The following RORA variants were observed in gnomAD, a reference collection of about 807,000 sequenced individuals.
RORA encodes RAR related orphan receptor A.
In RORA, 7 loss-of-function variants were observed where a neutral mutation model predicts 69.5. That is an observed-to-expected ratio of 0.10 (90% CI 0.06 to 0.19). RORA has a LOEUF of 0.19. RORA is among the 10% of genes least tolerant of loss of function. RORA has a pLI of 1.00. For synonymous variants in RORA, 261 were observed against 240.8 expected (o/e 1.08, Z -0.78); for missense variants, 457 against 663.0 (o/e 0.69, Z 3.41).
At chr15:60,638,751 A>G (rs2069885416) in intron 2 of RORA, among the ~76,000 whole-genome samples, 1 of 152,192 alleles carries the variant, frequency 6.6e-6, no homozygotes, top group African/African-American at 2.4e-5. Flanking sequence ...CTTGACAACC[A>G]ACGACTGATA....
chr15:61,195,704 CT>C (rs1288664428), intron 1 of RORA, among the ~76,000 whole-genome samples: 4 of 152,192 alleles, frequency 2.6e-5, no homozygotes, highest in Non-Finnish European at 5.9e-5. Flanking sequence ...TTATAAGAAG[CT>C]TACCTAGTGA....
chr15:60,655,595 G>A (rs1039566358), intron 2 of RORA, among the ~76,000 whole-genome samples: 3 of 152,216 alleles, frequency 2.0e-5, no homozygotes, highest in Non-Finnish European at 4.4e-5. Flanking sequence ...ATGCTAGAAT[G>A]AATGTCATTC....
At chr15:60,567,637 T>A (rs199817028) in intron 2 of RORA, among the ~76,000 whole-genome samples, 1 of 152,042 alleles carries the variant, frequency 6.6e-6, no homozygotes, top group Non-Finnish European at 1.5e-5. Context: ...TCTGGAACTC[T>A]TGGCCTTAAG....
chr15:60,798,012 C>T (rs1264622116), intron 1 of RORA, among the ~76,000 whole-genome samples: 4 of 152,110 alleles, frequency 2.6e-5, no homozygotes, highest in Admixed American at 2.0e-4. Context: ...ACAAGACCAG[C>T]CCCAACCCAC....
chr15:60,868,928 G>T (rs1473311178), intron 1 of RORA, among the ~76,000 whole-genome samples: 1 of 152,148 alleles, frequency 6.6e-6, no homozygotes, highest in African/African-American at 2.4e-5. Context: ...TTGGCAACCT[G>T]ATTATTTCCA....
Position 61,229,159 on chromosome 15 carries a change from C to A in RORA, c.60G>T (p.Ala20=). The change falls in exon 1 of 11, where the codon GCG becomes GCT. Residue 20 remains alanine, a synonymous_variant. Coordinates refer to ENST00000335670, the MANE Select transcript of RORA (RefSeq NM_134261.3). ...TCTCCCTGGAGCCGGCGGCCGCGTC[C>A]GCGCCGCTGCTGCCTGGCTCGCTGG... ...PAASEPGSSG[A]DAAAGSRETP... is the part of the protein sequence containing the mutation. 6 of 1,548,308 alleles carry A rather than the reference C, an allele frequency of 3.9e-6. No homozygotes were observed. The highest frequency in any genetic ancestry group is 5.2e-6 in the Non-Finnish European group (6 of 1,147,580).
At chr15:60,791,027 G>A (rs1434334925) in intron 1 of RORA, among the ~76,000 whole-genome samples, 1 of 151,246 alleles carries the variant, frequency 6.6e-6, no homozygotes, top group Non-Finnish European at 1.5e-5. Context: ...ATTGTCTTTT[G>A]CTTGTTTGGT....
chr15:60,511,491 G>T lies in RORA; in HGVS notation c.555C>A (p.Thr185=), dbSNP rs2065695779. 1.2e-6 allele frequency: 2 copies of T among 1,614,072 alleles called. No individual in the cohort carries two copies. The highest frequency in any genetic ancestry group is 1.7e-6 in the Non-Finnish European group (2 of 1,180,044). ...QPGEAEPLTP[T]YNISANGLTE... ...TCAGCCCGTTGGCCGAGATGTTGTA[G>T]GTGGGCGTCAGCGGCTCAGCCTCTC... is the stretch of plus-strand genomic sequence containing the variant. Residue 185 remains threonine, a synonymous_variant, in exon 5 of 11, where the codon ACC becomes ACA. Coordinates refer to ENST00000335670, the MANE Select transcript of RORA (RefSeq NM_134261.3). This position sits in a 1 kb window ranked among gnomAD's most constrained non-coding sequence, Gnocchi z 6.4.
chr15:61,089,659 G>C (rs1047504515), intron 1 of RORA, among the ~76,000 whole-genome samples: 7 of 151,826 alleles, frequency 4.6e-5, no homozygotes, highest in African/African-American at 1.7e-4. Context: ...AGATCACCTT[G>C]ATCAAGAAAT....
intron 1 of RORA, among the ~76,000 whole-genome samples, chr15:60,744,287 T>A (rs545870509): frequency 2.6e-5 from 4 of 152,332 alleles, no homozygotes; most frequent in African/African-American, 9.6e-5. Flanking sequence ...CAATGTGTGC[T>A]TCTTTGGGAA....
chr15:60,873,755 T>G (rs939233592), intron 1 of RORA, among the ~76,000 whole-genome samples: 1 of 152,232 alleles, frequency 6.6e-6, no homozygotes, highest in Non-Finnish European at 1.5e-5. Context: ...GTATTAGCTC[T>G]ATTAAGTTGA....
intron 1 of RORA, among the ~76,000 whole-genome samples, chr15:61,071,245 AGGGAATGGAG>A (rs2078340324): frequency 7.3e-4 from 1 of 1,374 alleles, no homozygotes; most frequent in Non-Finnish European, 1.3e-3. Context: ...GGGGAGGGGA[AGGGAATGGAG>A]GGGAGGGGAG....
chr15:60,765,472 T>C (rs545547381), intron 1 of RORA: 1 of 152,260 alleles, frequency 6.6e-6, no homozygotes, highest in African/African-American at 2.4e-5. Context: ...TTAAAGCTAA[T>C]CCTCTCTGGC....
chr15:60,725,535 T>G (rs1484302279), intron 1 of RORA, among the ~76,000 whole-genome samples: 1 of 152,202 alleles, frequency 6.6e-6, no homozygotes, highest in East Asian at 1.9e-4. Flanking sequence ...AAATGGGGTG[T>G]CCACCCCCTC....
chr15:60,719,880 G>C (rs1005728153), intron 1 of RORA, among the ~76,000 whole-genome samples: 3 of 152,194 alleles, frequency 2.0e-5, no homozygotes, highest in Non-Finnish European at 2.9e-5. Context: ...AGGTAAACAT[G>C]TTGTGTGCTT....
intron 1 of RORA, among the ~76,000 whole-genome samples, chr15:60,845,676 C>T (rs142512059): frequency 0.015 from 2,216 of 152,296 alleles, 29 homozygotes; most frequent in Middle Eastern, 0.034. Flanking sequence ...GTTGAGTTTG[C>T]TTTAGAAATA....
chr15:60,919,863 T>G (rs1178346979), intron 1 of RORA, among the ~76,000 whole-genome samples: 1 of 152,246 alleles, frequency 6.6e-6, no homozygotes, highest in African/African-American at 2.4e-5. Context: ...AGTATAAAAT[T>G]TCTGGATGCA....
intron 2 of RORA, among the ~76,000 whole-genome samples, chr15:60,609,782 C>T (rs2140578277): frequency 6.6e-6 from 1 of 152,294 alleles, no homozygotes; most frequent in Non-Finnish European, 1.5e-5. Context: ...ATGGACTACC[C>T]ACTGGGAAAG....
chr15:60,546,914 G>A (rs1214049696), intron 2 of RORA, among the ~76,000 whole-genome samples: 4 of 152,100 alleles, frequency 2.6e-5, no homozygotes, highest in African/African-American at 9.7e-5. Flanking sequence ...ATTTTCCCTC[G>A]TGTTGTCCCT....
Sources: allele counts gnomAD v4.1 joint callset (sites outside exome capture counted in the v4.1 genomes callset), GRCh38; gene constraint gnomAD v4.1.1; non-coding constraint Gnocchi (gnomAD v3.1); transcripts MANE v1.5; gene names NCBI Gene and HGNC (gene_info 2026-07-23, HGNC 2026-07-21).